CFL2: variants seen among roughly 807,000 people sequenced by gnomAD.
CFL2 encodes cofilin 2, also known as cofilin-2.
Under a neutral mutation model 19.6 loss-of-function variants are expected in CFL2, and 10 were observed. The ratio of observed to expected loss-of-function variants is 0.51; its 90% CI spans 0.31 to 0.86. CFL2 has a LOEUF of 0.86. Among genes scored for constraint, CFL2 ranks in the 40% least tolerant of loss-of-function variants. The probability of loss-of-function intolerance (pLI) is 0.04; values close to 1 mark genes in which losing one functional copy is unlikely to be tolerated. For missense variants in CFL2, 125 were observed against 192.1 expected (o/e 0.65, Z 2.06); for synonymous variants, 63 against 66.7 (o/e 0.95, Z 0.27).
At chr14:34,714,161 C>T in intron 1 of CFL2, 4 of 377,814 alleles carry the variant, frequency 1.1e-5, no homozygotes, top group Non-Finnish European at 1.9e-5. Flanking sequence ...ACAGGCCGTC[C>T]AGACCCTGAC....
intron 1 of CFL2, 41 bp from the exon 2 acceptor site, chr14:34,713,602 T>A (rs1245769507): frequency 6.2e-7 from 1 of 1,613,970 alleles, no homozygotes; most frequent in South Asian, 1.1e-5. Context: ...ACACGTATTT[T>A]GGTTTTAACC....
At position 34,712,760 on chromosome 14, in the gene CFL2, G is replaced by A; in HGVS notation, c.*105C>T. On this transcript the variant is annotated 3_prime_UTR_variant, in exon 4 of 4. Transcript: ENST00000298159. ...ATTCATTGTGTTGGAAGGGCCCAGT[G>A]GAAAGGGGGAAATACAACAAAAAAC... 1.3e-6 allele frequency: 1 copy of A among 754,732 alleles called. No individual in the cohort carries two copies. The highest frequency in any genetic ancestry group is 1.4e-5 in the South Asian group (1 of 71,334). The allele number at this position is 754,732 out of a possible 1,614,324, so 46.8% of individuals were successfully genotyped here. A position where few individuals can be genotyped will look rare whatever the true frequency, so the allele number is the denominator to read the frequency against.
intron 1 of CFL2, chr14:34,713,922 G>T: frequency 1.9e-6 from 2 of 1,035,290 alleles, no homozygotes; most frequent in South Asian, 1.7e-5. Flanking sequence ...AAACACTTTT[G>T]GATTTCAGTT....
At position 34,710,438 on chromosome 14, in the gene CFL2, A is replaced by C; in HGVS notation, c.*2427T>G. The C allele has an allele frequency of 2.4e-6, 1 of 409,042 alleles. No homozygotes were observed. The highest frequency in any genetic ancestry group is 4.8e-6 in the Non-Finnish European group (1 of 209,274). 25.3% of individuals were successfully genotyped at this position (409,042 alleles called of 1,614,324 possible). On this transcript the variant is annotated 3_prime_UTR_variant, in exon 4 of 4. Transcript: ENST00000298159. ...GAAGTATAAGTAAACACATCTCAAC[A>C]GCTTTACATATTTTCATATATTTTA...
At position 34,710,893 on chromosome 14, in the gene CFL2, G is replaced by A. The variant is rs1274411559; in HGVS notation, c.*1972C>T. On this transcript the variant is annotated 3_prime_UTR_variant, in exon 4 of 4. Coordinates refer to ENST00000298159, the MANE Select transcript of CFL2 (RefSeq NM_138638.5). ...AAATAACTCAATGAAAAATTCCATGGTGCCAAGTATCAGTTACACATATGG... is the reference window on the plus strand; with the variant it reads ...AAATAACTCAATGAAAAATTCCATGATGCCAAGTATCAGTTACACATATGG... The A allele has an allele frequency of 4.4e-6, 2 of 453,970 alleles. No homozygotes were observed. The highest frequency in any genetic ancestry group is 1.4e-4 in the East Asian group (2 of 14,392). 28.1% of individuals were successfully genotyped at this position (453,970 alleles called of 1,614,324 possible). A position where few individuals can be genotyped will look rare whatever the true frequency, so the allele number is the denominator to read the frequency against.
At chr14:34,713,782 T>C in intron 1 of CFL2, 1 of 1,609,128 alleles carries the variant, frequency 6.2e-7, no homozygotes, top group Non-Finnish European at 8.5e-7. Context: ...GGTTTGGACG[T>C]GGAAGCGAAA....
At position 34,711,539 on chromosome 14, in the gene CFL2, G is replaced by A. The variant is rs1885291771; in HGVS notation, c.*1326C>T. 3 of 454,282 alleles carry A rather than the reference G, an allele frequency of 6.6e-6. No homozygotes were observed. Among genetic ancestry groups the A allele is most frequent in the South Asian group, 1.6e-5 (1 of 64,472 alleles). The allele number at this position is 454,282 out of a possible 1,614,324, so 28.1% of individuals were successfully genotyped here. ...AAATAGTAGGTGAAATGACTGTTCC[G>A]AAACATCAGAAGTATCATTAAACTT... On this transcript the variant is annotated 3_prime_UTR_variant, in exon 4 of 4. Coordinates refer to ENST00000298159, the MANE Select transcript of CFL2 (RefSeq NM_138638.5).
chr14:34,712,436 C>T lies in CFL2; in HGVS notation c.*429G>A, dbSNP rs1264271737. 2.2e-6 allele frequency: 1 copy of T among 455,564 alleles called. No homozygotes were observed. The highest frequency in any genetic ancestry group is 6.9e-5 in the East Asian group (1 of 14,422). The allele number at this position is 455,564 out of a possible 1,614,324, so 28.2% of individuals were successfully genotyped here. A position where few individuals can be genotyped will look rare whatever the true frequency, so the allele number is the denominator to read the frequency against. ...CCAAGGCAGGTGAGGTGTATGAATG[C>T]TCAAGCCTCACAGAACTGCAATCAA... On this transcript the variant is annotated 3_prime_UTR_variant, in exon 4 of 4. Coordinates refer to ENST00000298159, the MANE Select transcript of CFL2 (RefSeq NM_138638.5).
rs763515640 is a variant in CFL2 at position 34,711,719 on chromosome 14, T to G, written c.*1146A>C. The G allele has an allele frequency of 4.5e-6, 2 of 443,498 alleles. No homozygotes were observed. The highest frequency in any genetic ancestry group is 2.0e-5 in the African/African-American group (1 of 49,274). The allele number at this position is 443,498 out of a possible 1,614,324, so 27.5% of individuals were successfully genotyped here. ...CAAATCAGATATTGAAAAGTATTTA[T>G]GCCAAAGTGCAAAAAATAATTTCTG... On this transcript the variant is annotated 3_prime_UTR_variant, in exon 4 of 4. Coordinates refer to ENST00000298159, the MANE Select transcript of CFL2 (RefSeq NM_138638.5).
rs766538409 is a variant in CFL2, at chr14:34,713,411, C to G, written c.154G>C (p.Ala52Pro). 1.9e-6 allele frequency: 3 copies of G among 1,614,162 alleles called. No individual in the cohort carries two copies. Among genetic ancestry groups the G allele is most frequent in the Non-Finnish European group, 2.5e-6 (3 of 1,180,018 alleles). The change falls in exon 2 of 4, where the codon GCA becomes CCA. Residue 52 changes from alanine to proline, a missense_variant. Coordinates refer to ENST00000298159, the MANE Select transcript of CFL2 (RefSeq NM_138638.5). ...DDKRQIIVEE[A>P]KQILVGDIGD... ...ATGTCACCCACCAAGATCTGCTTTG[C>G]TTCCTCTACAATTATTTGTCTTTTG...
chr14:34,714,313 T>A, intron 1 of CFL2: 198 of 531,418 alleles, frequency 3.7e-4, no homozygotes, highest in Middle Eastern at 1.2e-3. Context: ...ACCCCCAACC[T>A]GCGCCGACGC....
rs779077709 is a variant in CFL2, at chr14:34,712,930, G to A, written c.436C>T (p.Arg146Cys). The A allele has an allele frequency of 6.2e-6, 10 of 1,611,286 alleles. No homozygotes were observed. The highest frequency in any genetic ancestry group is 1.3e-5 in the African/African-American group (1 of 74,754). The change falls in exon 4 of 4, where the codon CGT (arginine) becomes TGT (cysteine). Residue 146 changes from arginine to cysteine, a missense_variant. By Grantham distance (180) the Arg-to-Cys change is radical. Transcript: ENST00000298159. ...CCCAATTTCTCTCCAAGTGTCGAAC[G>A]GTCCTTAATATCATCCAAGCCATTT... ...QVNGLDDIKD[R>C]STLGEKLGGN...
intron 1 of CFL2, chr14:34,713,974 T>C: frequency 1.5e-6 from 1 of 668,450 alleles, no homozygotes; most frequent in East Asian, 3.2e-5. Flanking sequence ...TCCTAGCCAC[T>C]GACGTTTCCT....
chr14:34,711,106 T>C lies in CFL2; in HGVS notation c.*1759A>G, dbSNP rs539503694. The C allele has an allele frequency of 5.6e-4, 252 of 453,268 alleles. No homozygotes were observed. The highest frequency in any genetic ancestry group is 9.9e-4 in the Non-Finnish European group (225 of 226,626). The allele number at this position is 453,268 out of a possible 1,614,324, so 28.1% of individuals were successfully genotyped here. A position where few individuals can be genotyped will look rare whatever the true frequency, so the allele number is the denominator to read the frequency against. ...AGACATTTAATCCCTATTTTTAATG[T>C]TCACATCTGAAAAATCTTTCAAAAA... On this transcript the variant is annotated 3_prime_UTR_variant, in exon 4 of 4. Coordinates refer to ENST00000298159, the MANE Select transcript of CFL2 (RefSeq NM_138638.5).
At chr14:34,714,338 C>T (rs1458508730) in intron 1 of CFL2, 200 bp downstream of exon 1, 4 of 889,122 alleles carry the variant, frequency 4.5e-6, no homozygotes, top group East Asian at 6.8e-5. Context: ...GCCCTCCCCG[C>T]CCCCCAAAAT....
At position 34,712,609 on chromosome 14, in the gene CFL2, A is replaced by G. The variant is rs1402896383; in HGVS notation, c.*256T>C. ...TTGTAGTGCTTGCTGCAAGGGAGGC[A>G]TATAACCAGTTGTTTTGGCTAAAAT... is the stretch of plus-strand genomic sequence containing the variant. On this transcript the variant is annotated 3_prime_UTR_variant, in exon 4 of 4. Transcript: ENST00000298159. 1 of 611,226 alleles carries G rather than the reference A, an allele frequency of 1.6e-6. No individual in the cohort carries two copies. The highest frequency in any genetic ancestry group is 3.0e-6 in the Non-Finnish European group (1 of 329,398). 37.9% of individuals were successfully genotyped at this position (611,226 alleles called of 1,614,324 possible).
intron 1 of CFL2, 55 bp downstream of exon 1, chr14:34,714,483 T>C: frequency 6.5e-7 from 1 of 1,540,316 alleles, no homozygotes; most frequent in South Asian, 1.2e-5. Flanking sequence ...CCCGGGGCCG[T>C]GCGGGGGGCT....
rs560247407 is a variant in CFL2, at chr14:34,711,205, C to T, written c.*1660G>A. ...AAATTTTTAAGGGATATTTTCTTTC[C>T]TGTTTTCTGCTAAAAGCATTCCTCT... is the stretch of plus-strand genomic sequence containing the variant. On this transcript the variant is annotated 3_prime_UTR_variant, in exon 4 of 4. Transcript: ENST00000298159. The T allele has an allele frequency of 3.7e-5, 17 of 454,290 alleles. No homozygotes were observed. Among genetic ancestry groups the T allele is most frequent in the African/African-American group, 3.0e-4 (15 of 50,066 alleles). 28.1% of individuals were successfully genotyped at this position (454,290 alleles called of 1,614,324 possible). A position where few individuals can be genotyped will look rare whatever the true frequency, so the allele number is the denominator to read the frequency against.
Position 34,711,711 on chromosome 14 carries a change from A to C in CFL2, c.*1154T>G. 2.2e-6 allele frequency: 1 copy of C among 445,260 alleles called. No homozygotes were observed. Among genetic ancestry groups the C allele is most frequent in the Non-Finnish European group, 4.5e-6 (1 of 224,570 alleles). The allele number at this position is 445,260 out of a possible 1,614,324, so 27.6% of individuals were successfully genotyped here. The stretch of plus-strand genomic sequence containing the variant: ...CCAGAGAACAAATCAGATATTGAAA[A>C]GTATTTATGCCAAAGTGCAAAAAAT... On this transcript the variant is annotated 3_prime_UTR_variant, in exon 4 of 4. Transcript: ENST00000298159.
Sources: gnomAD v4.1 joint callset for allele counts on GRCh38, gnomAD v4.1.1 for gene constraint, MANE v1.5 for transcripts, NCBI Gene and HGNC (gene_info 2026-07-23, HGNC 2026-07-21) for gene names.